Variants in MRPS6 observed in about 807,000 individuals in gnomAD.
MRPS6 encodes small ribosomal subunit protein bS6m.
In MRPS6, 6 loss-of-function variants were observed where a neutral mutation model predicts 13.1. The observed-to-expected ratio is 0.46, with a 90% confidence interval of 0.25 to 0.91. The LOEUF (loss-of-function observed/expected upper bound fraction) is 0.91. Among genes scored for constraint, MRPS6 ranks in the 40% least tolerant of loss-of-function variants. The pLI, the probability that MRPS6 is intolerant of heterozygous loss-of-function variation, is 0.18. For synonymous variants in MRPS6, 61 were observed against 56.5 expected (o/e 1.08, Z -0.36); for missense variants, 164 against 155.6 (o/e 1.05, Z -0.29).
chr21:34,086,137 C>T (rs1978362331), intron 1 of MRPS6, among the ~76,000 whole-genome samples: 1 of 152,156 alleles, frequency 6.6e-6, no homozygotes, highest in South Asian at 2.1e-4. Context: ...GTCACTTATG[C>T]TGTTTATATA....
intron 1 of MRPS6, chr21:34,124,680 T>G (rs1980240064): frequency 6.6e-6 from 1 of 152,170 alleles, no homozygotes; most frequent in Non-Finnish European, 1.5e-5. Flanking sequence ...TAAACTTTCC[T>G]TAGTGAAACC....
At chr21:34,099,342 A>C (rs1196712361) in intron 1 of MRPS6, 1 of 1,000,028 alleles carries the variant, frequency 1.0e-6, no homozygotes, top group Non-Finnish European at 1.2e-6. Context: ...CCAAATCTGG[A>C]CTCATGGTTT....
chr21:34,096,816 C>G lies in MRPS6; in HGVS notation c.45+23071C>G. On this transcript the variant is annotated intron_variant, in intron 1 of 2. Coordinates refer to ENST00000399312, the MANE Select transcript of MRPS6 (RefSeq NM_032476.4). The surrounding 1 kb of genome is among the most constrained non-coding windows in gnomAD (Gnocchi z 5.9). ...TCTCACACCACCTCCCACAAAGGAACAGATTCGAACCACCACCTTTTGGTC... is the reference window on the plus strand; with the variant it reads ...TCTCACACCACCTCCCACAAAGGAAGAGATTCGAACCACCACCTTTTGGTC... The G allele has an allele frequency of 6.2e-7, 1 of 1,614,010 alleles. No individual in the cohort carries two copies. Among genetic ancestry groups the G allele is most frequent in the Non-Finnish European group, 8.5e-7 (1 of 1,179,974 alleles).
At position 34,096,449 on chromosome 21, in the gene MRPS6, T is replaced by C; in HGVS notation, c.45+22704T>C. The C allele has an allele frequency of 6.2e-7, 1 of 1,614,160 alleles. No individual in the cohort carries two copies. Among genetic ancestry groups the C allele is most frequent in the South Asian group, 1.1e-5 (1 of 91,080 alleles). ...TTGTGGGGAGGATATTTGTGGCATTTATGGTGGTGATCAGCATAGCATGGG... is the reference window on the plus strand; with the variant it reads ...TTGTGGGGAGGATATTTGTGGCATTCATGGTGGTGATCAGCATAGCATGGG... On this transcript the variant is annotated intron_variant, in intron 1 of 2. Transcript: ENST00000399312. This position sits in a 1 kb window ranked among gnomAD's most constrained non-coding sequence, Gnocchi z 5.9.
At chr21:34,106,607 G>C (rs1228718497) in intron 1 of MRPS6, among the ~76,000 whole-genome samples, 1 of 152,186 alleles carries the variant, frequency 6.6e-6, no homozygotes. Flanking sequence ...CATACTGCCT[G>C]CCACATTGGC....
intron 1 of MRPS6, chr21:34,098,444 C>T (rs1345987189): frequency 2.0e-6 from 2 of 999,684 alleles, no homozygotes; most frequent in Non-Finnish European, 2.4e-6. Context: ...TTATTGCATC[C>T]TTGATAAGTT....
intron 1 of MRPS6, among the ~76,000 whole-genome samples, chr21:34,117,275 TC>T (rs1979955979): frequency 6.6e-6 from 1 of 152,148 alleles, no homozygotes; most frequent in African/African-American, 2.4e-5. Context: ...ATAAGAATTT[TC>T]TCCCTTCCTT....
In MRPS6 at chr21:34,132,362, G is replaced by A. The variant is rs115160631; in HGVS notation, c.185+6882G>A. 6.2e-3 allele frequency among the ~76,000 whole-genome samples: 945 copies of A among 152,312 alleles called. 15 individuals are homozygous for A. The highest frequency in any genetic ancestry group is 0.034 in the Middle Eastern group (10 of 294). On this transcript the variant is annotated intron_variant, in intron 2 of 2. Coordinates refer to ENST00000399312, the MANE Select transcript of MRPS6 (RefSeq NM_032476.4). ...AGCAGTCTTTGCCCACATCAGCCCC[G>A]GGCGCATAGCAGCAGGACGACAAGC...
At chr21:34,080,451 G>A (rs1371393951) in intron 1 of MRPS6, among the ~76,000 whole-genome samples, 1 of 151,770 alleles carries the variant, frequency 6.6e-6, no homozygotes, top group Non-Finnish European at 1.5e-5. Context: ...CTTTGGTGCC[G>A]GCATCATGCT....
At chr21:34,073,895 G>A (rs1989252686) in intron 1 of MRPS6, 150 bp downstream of exon 1, 1 of 243,680 alleles carries the variant, frequency 4.1e-6, no homozygotes, top group Non-Finnish European at 6.5e-6. Context: ...GCGGGCGTCC[G>A]CGGGAAGGGG....
intron 1 of MRPS6, chr21:34,095,112 G>A: frequency 1.3e-6 from 2 of 1,526,176 alleles, no homozygotes; most frequent in Non-Finnish European, 1.8e-6. Flanking sequence ...TTCACGTATG[G>A]TTTACAGACT....
At chr21:34,073,896 C>T (rs2148649184) in intron 1 of MRPS6, 151 bp downstream of exon 1, 1 of 243,440 alleles carries the variant, frequency 4.1e-6, no homozygotes, top group Non-Finnish European at 6.5e-6. Context: ...CGGGCGTCCG[C>T]GGGAAGGGGG....
Position 34,134,075 on chromosome 21 carries a change from G to C in MRPS6, c.186-8333G>C, listed in dbSNP as rs149895478. Among the ~76,000 whole-genome samples the C allele has an allele frequency of 1.0e-2, 1,522 of 152,246 alleles. 34 individuals carry two copies. Among genetic ancestry groups the C allele is most frequent in the African/African-American group, 0.035 (1,441 of 41,540 alleles). ...AAAAGGCTGAGGGTTGCAAGGAGGT[G>C]GTGATTTGAGGTTGATCACACTATT... On this transcript the variant is annotated intron_variant, in intron 2 of 2. Transcript: ENST00000399312.
intron 1 of MRPS6, among the ~76,000 whole-genome samples, chr21:34,091,251 A>G (rs961745463): frequency 1.6e-4 from 3 of 19,092 alleles, no homozygotes; most frequent in African/African-American, 7.3e-4. Context: ...ATTGCGTACT[A>G]CTCTTTGCAG....
At chr21:34,140,119 T>C (rs1980857790) in intron 2 of MRPS6, among the ~76,000 whole-genome samples, 1 of 152,164 alleles carries the variant, frequency 6.6e-6, no homozygotes, top group African/African-American at 2.4e-5. Flanking sequence ...TTCTTTTTTC[T>C]GCTTTGGGGA....
At chr21:34,114,569 C>CT (rs1165522082) in intron 1 of MRPS6, among the ~76,000 whole-genome samples, 6 of 152,092 alleles carry the variant, frequency 3.9e-5, no homozygotes, top group Non-Finnish European at 7.4e-5. Flanking sequence ...ATGCAGACAC[C>CT]TTTATTTTTA....
At chr21:34,107,411 G>A (rs781542975) in intron 1 of MRPS6, among the ~76,000 whole-genome samples, 3 of 152,186 alleles carry the variant, frequency 2.0e-5, no homozygotes, top group Admixed American at 6.5e-5. Flanking sequence ...TCCCATTATC[G>A]ATGATACTAA....
chr21:34,100,700 G>T, intron 1 of MRPS6: 2 of 1,000,216 alleles, frequency 2.0e-6, no homozygotes, highest in Non-Finnish European at 2.4e-6. Context: ...TGTAACTTGA[G>T]GCTAAGCAAG....
At chr21:34,107,499 T>C (rs1979525710) in intron 1 of MRPS6, among the ~76,000 whole-genome samples, 4 of 152,184 alleles carry the variant, frequency 2.6e-5, no homozygotes, top group Admixed American at 2.0e-4. Flanking sequence ...TAATATGTAA[T>C]TAGTGGGGGG....
Sources: gnomAD v4.1 joint callset for allele counts (sites outside exome capture counted in the v4.1 genomes callset) on GRCh38, gnomAD v4.1.1 for gene constraint, Gnocchi (gnomAD v3.1) non-coding constraint, MANE v1.5 for transcripts, NCBI Gene and HGNC (gene_info 2026-07-23, HGNC 2026-07-21) for gene names.